The following FRK variants were observed in gnomAD, a reference collection of about 807,000 sequenced individuals.
FRK encodes the protein fyn related Src family tyrosine kinase, also known as tyrosine-protein kinase FRK.
A neutral mutation model predicts 56.4 loss-of-function variants in FRK; 51 were observed. That is an observed-to-expected ratio of 0.90 (90% CI 0.72 to 1.14). The LOEUF is 1.14. FRK is among the 50% of genes most tolerant of loss of function. FRK has a pLI of 0.00. For synonymous variants in FRK, 245 were observed against 217.9 expected (o/e 1.12, Z -1.10); for missense variants, 570 against 601.4 (o/e 0.95, Z 0.55).
In FRK at chr6:115,956,502, T is replaced by C. The variant is rs1209880938; in HGVS notation, c.908A>G (p.Tyr303Cys). The C allele has an allele frequency of 1.3e-6, 2 of 1,583,280 alleles. No individual in the cohort carries two copies. The highest frequency in any genetic ancestry group is 1.7e-6 in the Non-Finnish European group (2 of 1,164,996). The change falls in exon 5 of 8, where the codon TAT becomes TGT. Residue 303 changes from tyrosine (Y) to cysteine (C), a missense_variant. By Grantham distance (194) the Tyr-to-Cys change is radical. Transcript: ENST00000606080. ...YAVCTLEDPIYIITELMRHGS... is the reference protein window; with the variant it reads ...YAVCTLEDPICIITELMRHGS... ...ATGTCTCATCAACTCTGTAATAATA[T>C]AAATTGGATCTTCTAAAGTGCAAAC...
chr6:116,051,121 C>G (rs1388483024), intron 1 of FRK, among the ~76,000 whole-genome samples: 1 of 152,098 alleles, frequency 6.6e-6, no homozygotes, highest in Non-Finnish European at 1.5e-5. Context: ...ATGTGGTATA[C>G]AACATTTGTG....
At chr6:115,988,221 T>C (rs1396584638) in intron 2 of FRK, among the ~76,000 whole-genome samples, 1 of 152,130 alleles carries the variant, frequency 6.6e-6, no homozygotes, top group African/African-American at 2.4e-5. Context: ...AAGCAGCTAA[T>C]GTGCATATAT....
chr6:115,968,428 G>A (rs1461514239), intron 3 of FRK, 148 bp downstream of exon 3: 3 of 708,566 alleles, frequency 4.2e-6, no homozygotes, highest in Non-Finnish European at 7.1e-6. Flanking sequence ...ACGTCAGTGT[G>A]AGCTCATAGG....
chr6:115,957,821 C>T (rs1360615638), intron 4 of FRK, among the ~76,000 whole-genome samples: 1 of 152,186 alleles, frequency 6.6e-6, no homozygotes, highest in South Asian at 2.1e-4. Context: ...AGTTATCAAA[C>T]CTCTCTAAAC....
In FRK at chr6:115,939,694, CA is replaced by C. The variant is rs1309221096; in HGVS notation, c.*2719del. ...CACATTCCTATACACCAATAACAAA[CA>C]GAGAGCCAAATCATGAGTGAACTCC... On this transcript the variant is annotated 3_prime_UTR_variant, in exon 8 of 8. Coordinates refer to ENST00000606080, the MANE Select transcript of FRK (RefSeq NM_002031.3). The C allele has an allele frequency of 6.6e-6, 1 of 152,106 alleles. No homozygotes were observed. The highest frequency in any genetic ancestry group is 2.4e-5 in the African/African-American group (1 of 41,418). 9.4% of individuals were successfully genotyped at this position (152,106 alleles called of 1,614,324 possible).
At chr6:115,999,680 A>G (rs764075393) in intron 2 of FRK, among the ~76,000 whole-genome samples, 1 of 152,378 alleles carries the variant, frequency 6.6e-6, no homozygotes, top group East Asian at 1.9e-4. Context: ...CCATCAATTC[A>G]GACTGATTAA....
At chr6:115,986,524 G>A (rs1256071023) in intron 2 of FRK, among the ~76,000 whole-genome samples, 2 of 152,132 alleles carry the variant, frequency 1.3e-5, no homozygotes, top group Non-Finnish European at 2.9e-5. Flanking sequence ...TCCTGTTTTA[G>A]AGCTATCTGC....
chr6:116,025,981 T>G (rs1562292603), intron 1 of FRK, among the ~76,000 whole-genome samples: 2 of 152,172 alleles, frequency 1.3e-5, no homozygotes, highest in African/African-American at 2.4e-5. Context: ...TAGTACATTC[T>G]TCACAGGGTT....
the FRK span, among the ~76,000 whole-genome samples, chr6:116,090,232 A>G: frequency 2.6e-5 from 4 of 152,166 alleles, no homozygotes; most frequent in Non-Finnish European, 5.9e-5. Flanking sequence ...CACCCCCAAC[A>G]TGAGTTTGGG....
intron 1 of FRK, among the ~76,000 whole-genome samples, chr6:116,037,823 G>T (rs200916836): frequency 9.5e-6 from 1 of 105,684 alleles, no homozygotes; most frequent in South Asian, 3.1e-4. Flanking sequence ...TTTTTCTTTT[G>T]ATTGTTTTCT....
chr6:116,066,877 C>T, the FRK span, among the ~76,000 whole-genome samples: 1 of 152,196 alleles, frequency 6.6e-6, no homozygotes, highest in Admixed American at 6.5e-5. Context: ...ACCACTCTGT[C>T]TAAAGTAGCA....
chr6:115,977,316 C>T (rs1193609), intron 2 of FRK, among the ~76,000 whole-genome samples: 109,811 of 152,054 alleles, frequency 0.72, 39,970 homozygotes, highest in South Asian at 0.89. Context: ...AGTGCCATCA[C>T]GTAGAAGAGT....
At chr6:116,049,694 A>G (rs986015333) in intron 1 of FRK, among the ~76,000 whole-genome samples, 2 of 152,226 alleles carry the variant, frequency 1.3e-5, no homozygotes, top group African/African-American at 4.8e-5. Context: ...AATGGGGGTA[A>G]TAAAAGCATC....
chr6:116,076,101 C>T, the FRK span, among the ~76,000 whole-genome samples: 2 of 152,106 alleles, frequency 1.3e-5, no homozygotes, highest in Admixed American at 6.6e-5. Flanking sequence ...TGAGTCACTT[C>T]GTTTATAAAT....
the FRK span, among the ~76,000 whole-genome samples, chr6:116,085,871 G>A: frequency 6.6e-6 from 1 of 152,146 alleles, no homozygotes; most frequent in South Asian, 2.1e-4. Flanking sequence ...ACATGTTTTT[G>A]TTTATATAAC....
At chr6:116,076,344 A>G in the FRK span, among the ~76,000 whole-genome samples, 1 of 152,234 alleles carries the variant, frequency 6.6e-6, no homozygotes, top group Non-Finnish European at 1.5e-5. Context: ...ATTTTCTTTA[A>G]ATTATTTGAA....
chr6:116,096,564 A>G, the FRK span, among the ~76,000 whole-genome samples: 1 of 152,172 alleles, frequency 6.6e-6, no homozygotes, highest in Non-Finnish European at 1.5e-5. Flanking sequence ...AAATGTGCCA[A>G]TCAGCACTCT....
chr6:116,057,269 T>C (rs1777434520), intron 1 of FRK, among the ~76,000 whole-genome samples: 2 of 152,150 alleles, frequency 1.3e-5, no homozygotes, highest in South Asian at 4.2e-4. Context: ...TTACGTTAAT[T>C]TTCACAGCAT....
intron 1 of FRK, among the ~76,000 whole-genome samples, chr6:116,009,260 G>C (rs910823292): frequency 3.3e-5 from 5 of 152,180 alleles, no homozygotes; most frequent in Non-Finnish European, 7.3e-5. Flanking sequence ...AAACCTTTAA[G>C]CTGAACTTAA....
Sources: gnomAD v4.1 joint callset for allele counts (sites outside exome capture counted in the v4.1 genomes callset) on GRCh38, gnomAD v4.1.1 for gene constraint, MANE v1.5 for transcripts, NCBI Gene and HGNC (gene_info 2026-07-23, HGNC 2026-07-21) for gene names.